The following PDE4D variants were observed in gnomAD, a reference collection of about 807,000 sequenced individuals.
PDE4D encodes the protein phosphodiesterase 4D.
Under a neutral mutation model 87.4 loss-of-function variants are expected in PDE4D, and 24 were observed. That is an observed-to-expected ratio of 0.27 (90% CI 0.20 to 0.39). PDE4D has a LOEUF of 0.39. Among genes scored for constraint, PDE4D ranks in the 10% least tolerant of loss-of-function variants. The pLI, the probability that PDE4D is intolerant of heterozygous loss-of-function variation, is 1.00. For synonymous variants in PDE4D, 384 were observed against 383.2 expected, an observed-to-expected ratio of 1.00 and a Z score of -0.02; for missense variants, 714 against 1,041.0, an observed-to-expected ratio of 0.69 and a Z score of 4.32.
At position 60,199,543 on chromosome 5, in the gene PDE4D, G is replaced by A. The variant is rs1430321528; in HGVS notation, c.-89-13856C>T. Among the ~76,000 whole-genome samples, 5 of 151,542 alleles carry A rather than the reference G, an allele frequency of 3.3e-5. 1 individual carries two copies. Among genetic ancestry groups the A allele is most frequent in the Admixed American group, 6.6e-5 (1 of 15,178 alleles). On this transcript the variant is annotated intron_variant, in intron 1 of 16. Coordinates refer to the PDE4D transcript ENST00000502484. ...AATGGCAATTTCTTTTCTAAGGATC[G>A]GCTACGCTTTAATCATCTCAGGGCT... is the stretch of plus-strand genomic sequence containing the variant.
At chr5:60,476,048 AT>A (rs1250344519) in intron 1 of PDE4D, among the ~76,000 whole-genome samples, 3 of 152,148 alleles carry the variant, frequency 2.0e-5, no homozygotes, top group Non-Finnish European at 2.9e-5. Context: ...AAATCCAATC[AT>A]TCAGATATAA....
intron 1 of PDE4D, among the ~76,000 whole-genome samples, chr5:59,836,014 T>C (rs1741968969): frequency 6.6e-6 from 1 of 152,038 alleles, no homozygotes; most frequent in Non-Finnish European, 1.5e-5. Context: ...AGATACCTCA[T>C]CTATAAAATA....
rs561410416 is a variant in PDE4D at position 60,503,013 on chromosome 5, T to C, written n.70+19038A>G. On this transcript the variant is annotated intron_variant and non_coding_transcript_variant, in intron 1 of 2. Transcript: ENST00000506510. ...ACAAGGGCAAAATTCACTTATGCTC[T>C]CAGCAGCAAGCCTAACTGAGCTTTT... Among the ~76,000 whole-genome samples, 53 of 152,256 alleles carry C rather than the reference T, an allele frequency of 3.5e-4. 1 individual carries two copies. The highest frequency in any genetic ancestry group is 1.2e-3 in the African/African-American group (51 of 41,554).
intron 1 of PDE4D, among the ~76,000 whole-genome samples, chr5:59,448,476 T>A (rs1798662878): frequency 6.6e-6 from 1 of 152,218 alleles, no homozygotes; most frequent in Non-Finnish European, 1.5e-5. Context: ...ACTTCAAGTA[T>A]CATTATAACA....
At chr5:60,317,991 TG>T (rs1755803386) in intron 1 of PDE4D, among the ~76,000 whole-genome samples, 1 of 152,222 alleles carries the variant, frequency 6.6e-6, no homozygotes, top group Non-Finnish European at 1.5e-5. Flanking sequence ...GTTCTGTAGA[TG>T]TCTATTAGGT....
chr5:59,371,847 G>C (rs953000923), intron 1 of PDE4D, among the ~76,000 whole-genome samples: 4 of 152,152 alleles, frequency 2.6e-5, no homozygotes, highest in African/African-American at 9.7e-5. Flanking sequence ...TTCTTACCCA[G>C]GGCAAAATGC....
chr5:59,800,246 C>T (rs1456018977), intron 1 of PDE4D, among the ~76,000 whole-genome samples: 1 of 151,750 alleles, frequency 6.6e-6, no homozygotes, highest in Non-Finnish European at 1.5e-5. Context: ...ACATGTGCGA[C>T]AATACTAACT....
chr5:59,617,094 T>TA (rs1829801577), intron 1 of PDE4D, among the ~76,000 whole-genome samples: 1 of 151,756 alleles, frequency 6.6e-6, no homozygotes, highest in African/African-American at 2.4e-5. Context: ...ACATTATGAC[T>TA]AAAAATATAT....
chr5:59,976,746 A>T (rs1761376465), intron 3 of PDE4D, among the ~76,000 whole-genome samples: 1 of 152,150 alleles, frequency 6.6e-6, no homozygotes, highest in Non-Finnish European at 1.5e-5. Context: ...AAGCAAGTCT[A>T]TTGGCACCAT....
rs150379812 is a variant in PDE4D at position 59,817,148 on chromosome 5, T to G, written c.455+76020A>C. ...AGGATGATAGGCAGGGCACCTAAAT[T>G]CCCAGCTGACGGAAACGTGAATGTG... On this transcript the variant is annotated intron_variant, in intron 1 of 14. Coordinates refer to ENST00000340635, the MANE Select transcript of PDE4D (RefSeq NM_001104631.2). Among the ~76,000 whole-genome samples, 406 of 152,234 alleles carry G rather than the reference T, an allele frequency of 2.7e-3. 5 individuals are homozygous for G. Among genetic ancestry groups the G allele is most frequent in the African/African-American group, 9.4e-3 (389 of 41,556 alleles).
At chr5:59,663,331 AT>A (rs1471277758) in intron 1 of PDE4D, among the ~76,000 whole-genome samples, 6 of 151,506 alleles carry the variant, frequency 4.0e-5, no homozygotes, top group African/African-American at 1.5e-4. Context: ...CACCTGGCTA[AT>A]TTTTGTATTT....
At chr5:59,822,373 G>C (rs1192602078) in intron 1 of PDE4D, among the ~76,000 whole-genome samples, 1 of 151,926 alleles carries the variant, frequency 6.6e-6, no homozygotes, top group Non-Finnish European at 1.5e-5. Context: ...TCACAGTGAA[G>C]GTAGATAGAT....
At chr5:60,047,154 T>C (rs1423850998) in intron 2 of PDE4D, among the ~76,000 whole-genome samples, 1 of 152,244 alleles carries the variant, frequency 6.6e-6, no homozygotes, top group Admixed American at 6.5e-5. Context: ...TTTATTTGCG[T>C]AGAGGTGTTT....
intron 1 of PDE4D, among the ~76,000 whole-genome samples, chr5:59,375,045 A>T (rs1263524385): frequency 6.6e-6 from 1 of 152,194 alleles, no homozygotes; most frequent in Non-Finnish European, 1.5e-5. Flanking sequence ...GTGTTAGGAC[A>T]GACATTTATA....
intron 2 of PDE4D, among the ~76,000 whole-genome samples, chr5:60,062,539 A>C (rs898452540): frequency 6.6e-6 from 1 of 152,174 alleles, no homozygotes; most frequent in Non-Finnish European, 1.5e-5. Context: ...CAGAAATACC[A>C]TTTGACCCAG....
chr5:59,087,634 A>G (rs933650350), intron 5 of PDE4D, among the ~76,000 whole-genome samples: 1 of 152,204 alleles, frequency 6.6e-6, no homozygotes, highest in African/African-American at 2.4e-5. Flanking sequence ...GCTTTAAAAA[A>G]TATTCCAAGC....
intron 6 of PDE4D, among the ~76,000 whole-genome samples, chr5:59,011,375 C>T (rs945507717): frequency 3.9e-5 from 6 of 152,056 alleles, no homozygotes; most frequent in South Asian, 2.1e-4. Context: ...TCAAACCCAT[C>T]GCAAAGAAGC....
chr5:60,397,436 C>T (rs1762959008), intron 1 of PDE4D, among the ~76,000 whole-genome samples: 1 of 152,172 alleles, frequency 6.6e-6, no homozygotes, highest in Admixed American at 6.5e-5. Context: ...GGTATATATA[C>T]ACAATGGAAT....
chr5:59,507,920 T>C (rs1292140974), intron 1 of PDE4D, among the ~76,000 whole-genome samples: 1 of 152,148 alleles, frequency 6.6e-6, no homozygotes, highest in Admixed American at 6.6e-5. Flanking sequence ...GTTATCTTCA[T>C]GGAAATTTAC....
Sources: gnomAD v4.1 joint callset for allele counts (sites outside exome capture counted in the v4.1 genomes callset) on GRCh38, gnomAD v4.1.1 for gene constraint, MANE v1.5 for transcripts, NCBI Gene and HGNC (gene_info 2026-07-23, HGNC 2026-07-21) for gene names.